The following STARD7 variants were observed in gnomAD, a reference collection of about 807,000 sequenced individuals.
STARD7 encodes stAR-related lipid transfer protein 7, mitochondrial.
In STARD7, 30 loss-of-function variants were observed where a neutral mutation model predicts 45.3. The observed-to-expected ratio is 0.66, with a 90% CI of 0.50 to 0.90. The LOEUF (loss-of-function observed/expected upper bound fraction) is 0.90, where lower values mean the gene tolerates loss of function less well. Among genes scored for constraint, STARD7 ranks in the 40% least tolerant of loss-of-function variants. The probability of loss-of-function intolerance (pLI) is 0.00; values close to 1 mark genes in which losing one functional copy is unlikely to be tolerated. For missense variants in STARD7, 495 were observed against 491.3 expected (o/e 1.01, Z -0.07); for synonymous variants, 199 against 183.0 (o/e 1.09, Z -0.70).
chr2:96,202,985 A>G (rs1278033249), intron 1 of STARD7, among the ~76,000 whole-genome samples: 1 of 152,234 alleles, frequency 6.6e-6, no homozygotes, highest in Non-Finnish European at 1.5e-5. Flanking sequence ...GCTTTGACTA[A>G]AATTATGAAA....
In STARD7 at chr2:96,208,308, G is replaced by A. The variant is rs369373844; in HGVS notation, c.127C>T (p.Gln43Ter). The A allele has an allele frequency of 9.3e-6, 15 of 1,608,128 alleles. No individual in the cohort carries two copies. Among genetic ancestry groups the A allele is most frequent in the Non-Finnish European group, 1.3e-5 (15 of 1,178,638 alleles). Residue 43 changes from glutamine to a stop codon, truncating the protein, a stop_gained, in exon 1 of 8, where the codon CAG (glutamine) becomes TAG (stop). Coordinates refer to ENST00000337288, the MANE Select transcript of STARD7 (RefSeq NM_020151.4). LOFTEE classifies it high-confidence loss of function. Reference protein sequence around the residue: ...LRVRRAQQIAQLYGRLYSESS... With the variant: ...LRVRRAQQIA ...TCGGAGTAGAGGCGGCCGTAGAGCT[G>A]CGCGATCTGCTGCGCGCGCCGCACG...
rs531906585 is a variant in STARD7 at position 96,185,537 on chromosome 2, T to G, written c.*1193A>C. ...AACTGACAGCATCAGATTGTGACCT[T>G]ATCTGAACAGTGTAGTTCACTTTTA... On this transcript the variant is annotated 3_prime_UTR_variant, in exon 8 of 8. Transcript: ENST00000337288. 1 of 152,354 alleles carries G rather than the reference T, an allele frequency of 6.6e-6. No individual in the cohort carries two copies. Among genetic ancestry groups the G allele is most frequent in the African/African-American group, 2.4e-5 (1 of 41,588 alleles). The allele number at this position is 152,354 out of a possible 1,614,324, so 9.4% of individuals were successfully genotyped here. A position where few individuals can be genotyped will look rare whatever the true frequency, so the allele number is the denominator to read the frequency against.
chr2:96,188,573 C>T (rs1179657832), intron 6 of STARD7, among the ~76,000 whole-genome samples: 3 of 151,518 alleles, frequency 2.0e-5, no homozygotes, highest in Non-Finnish European at 2.9e-5. Context: ...CTGCACCCAG[C>T]CAAGACTCCG....
intron 6 of STARD7, among the ~76,000 whole-genome samples, chr2:96,190,972 T>A (rs1358111362): frequency 7.9e-5 from 12 of 152,128 alleles, no homozygotes; most frequent in African/African-American, 2.7e-4. Flanking sequence ...GAGACCAGCC[T>A]GCGCAGCATG....
chr2:96,201,727 G>A (rs536025341), intron 1 of STARD7, among the ~76,000 whole-genome samples: 2 of 152,330 alleles, frequency 1.3e-5, no homozygotes, highest in East Asian at 1.9e-4. Context: ...GAACCCAGGA[G>A]ATGGAGGTTG....
chr2:96,206,785 A>G (rs903089755), intron 1 of STARD7, among the ~76,000 whole-genome samples: 6 of 135,296 alleles, frequency 4.4e-5, no homozygotes, highest in African/African-American at 5.5e-5. Context: ...TGGGCGACAG[A>G]GCGAGACTCC....
chr2:96,194,927 G>A (rs367727771), intron 3 of STARD7, 31 bp downstream of exon 3: 1 of 1,584,058 alleles, frequency 6.3e-7, no homozygotes, highest in Non-Finnish European at 8.6e-7. Context: ...ATGCTAGGAG[G>A]CTCCAAATCT....
Position 96,192,281 on chromosome 2 carries a change from CA to C in STARD7, c.843+87del. On this transcript the variant is annotated intron_variant, in intron 6 of 7. Transcript: ENST00000337288. ...CCGAGCGAGAACTGTTCCTGCGCCA[CA>C]CCCCCTCCTCCCTAGTTCAGGTAAG... 2.8e-6 allele frequency: 3 copies of C among 1,061,444 alleles called. No individual in the cohort carries two copies. In the South Asian group the frequency reaches 3.8e-5, roughly 13 times the overall value. The allele number at this position is 1,061,444 out of a possible 1,614,324, so 65.8% of individuals were successfully genotyped here.
chr2:96,191,552 G>A (rs1288501196), intron 6 of STARD7, among the ~76,000 whole-genome samples: 2 of 151,970 alleles, frequency 1.3e-5, no homozygotes, highest in Non-Finnish European at 2.9e-5. Flanking sequence ...AAGCATGTGA[G>A]TCTCTCAGTG....
chr2:96,195,630 A>G (rs1312736871), intron 1 of STARD7, 81 bp from the exon 2 acceptor site: 1 of 1,082,816 alleles, frequency 9.2e-7, no homozygotes, highest in African/African-American at 1.6e-5. Flanking sequence ...TCTGTGCAAG[A>G]AGGTTATACA....
chr2:96,208,537 A>G lies in STARD7; in HGVS notation c.-103T>C, dbSNP rs967831002. On this transcript the variant is annotated 5_prime_UTR_variant, in exon 1 of 8. Transcript: ENST00000337288. Reference sequence around the variant, plus strand: ...CGTCCCCCTAAATGGCCGGCCACGAACCCGTCTCACGGTCCCGCGGCCAGG... The same window carrying G: ...CGTCCCCCTAAATGGCCGGCCACGAGCCCGTCTCACGGTCCCGCGGCCAGG... 3.9e-6 allele frequency: 4 copies of G among 1,033,458 alleles called. No individual in the cohort carries two copies. The African/African-American group carries it at 6.8e-5, about 17-fold the overall frequency. 64.0% of individuals were successfully genotyped at this position (1,033,458 alleles called of 1,614,324 possible).
chr2:96,195,613 A>G (rs1251156905), intron 1 of STARD7, 64 bp from the exon 2 acceptor site: 6 of 1,312,854 alleles, frequency 4.6e-6, no homozygotes. Context: ...AAGTGTCCAC[A>G]CAAAGGTCTG....
chr2:96,204,263 A>G (rs529258509), intron 1 of STARD7, among the ~76,000 whole-genome samples: 4 of 151,234 alleles, frequency 2.6e-5, no homozygotes, highest in South Asian at 4.2e-4. Context: ...ATGTCTTAAG[A>G]AAAAAAAGAG....
intron 1 of STARD7, among the ~76,000 whole-genome samples, chr2:96,207,526 G>A (rs1005267839): frequency 2.0e-5 from 3 of 152,314 alleles, no homozygotes; most frequent in Admixed American, 1.3e-4. Flanking sequence ...GATGACGACA[G>A]CATGACTTCA....
At position 96,201,486 on chromosome 2, in the gene STARD7, G is replaced by A. The variant is rs1327523235; in HGVS notation, c.291-5937C>T. On this transcript the variant is annotated intron_variant, in intron 1 of 7. Transcript: ENST00000337288. ...AGCTGTAGTCCCAGCTACTGAGGAGGCAGAGGTGGGAGAATCACCTGAGCC... is the reference window on the plus strand; with the variant it reads ...AGCTGTAGTCCCAGCTACTGAGGAGACAGAGGTGGGAGAATCACCTGAGCC... 2.6e-5 allele frequency among the ~76,000 whole-genome samples: 4 copies of A among 151,644 alleles called. No individual in the cohort carries two copies. In the East Asian group the frequency reaches 7.7e-4, roughly 29 times the overall value.
At chr2:96,194,573 G>C (rs1683174384) in intron 3 of STARD7, among the ~76,000 whole-genome samples, 3 of 152,196 alleles carry the variant, frequency 2.0e-5, no homozygotes, top group Admixed American at 6.5e-5. Flanking sequence ...ATCATGATTA[G>C]TTAAGAAATA....
rs966910176 is a variant in STARD7, at chr2:96,186,072, A to C, written c.*658T>G. The C allele has an allele frequency of 6.6e-6, 1 of 152,088 alleles. No homozygotes were observed. Among genetic ancestry groups the C allele is most frequent in the Non-Finnish European group, 1.5e-5 (1 of 68,020 alleles). 9.4% of individuals were successfully genotyped at this position (152,088 alleles called of 1,614,324 possible). On this transcript the variant is annotated 3_prime_UTR_variant, in exon 8 of 8. Transcript: ENST00000337288. ...TGATATTGTGCAGGCAGGGAGGGAAATTTCTTTGTACAAATTCATGTCCCT... is the reference window on the plus strand; with the variant it reads ...TGATATTGTGCAGGCAGGGAGGGAACTTTCTTTGTACAAATTCATGTCCCT...
At chr2:96,188,720 C>T (rs2104169833) in intron 6 of STARD7, among the ~76,000 whole-genome samples, 1 of 151,348 alleles carries the variant, frequency 6.6e-6, no homozygotes, top group East Asian at 2.0e-4. Flanking sequence ...CCTGTCTCTA[C>T]TGAAAATACA....
Position 96,193,345 on chromosome 2 carries a change from G to A in STARD7, c.557C>T (p.Thr186Ile). The change falls in exon 4 of 8, where the codon ACA becomes ATA. Residue 186 changes from threonine to isoleucine, a missense_variant. This residue lies in a region of STARD7 where 213 missense variants were observed against 271.2 expected (regional missense o/e 0.79). Coordinates refer to ENST00000337288, the MANE Select transcript of STARD7 (RefSeq NM_020151.4). The part of the protein sequence containing the change: ...PRQFFNVQLD[T>I]EYRKKWDALV... ...GGCATCCCATTTTTTTCTATACTCT[G>A]TGTCCAGCTGCAGAAAGAGAAAAGA... 1 of 1,607,570 alleles carries A rather than the reference G, an allele frequency of 6.2e-7. No homozygotes were observed. Among genetic ancestry groups the A allele is most frequent in the Non-Finnish European group, 8.5e-7 (1 of 1,174,138 alleles).
Sources: allele counts gnomAD v4.1 joint callset (sites outside exome capture counted in the v4.1 genomes callset), GRCh38; gene constraint gnomAD v4.1.1; regional missense constraint gnomAD v4.1.1; transcripts MANE v1.5; gene names NCBI Gene and HGNC (gene_info 2026-07-23, HGNC 2026-07-21).